CARF: variants seen among roughly 807,000 people sequenced by gnomAD.
CARF encodes calcium-responsive transcription factor.
CARF carries 57 observed loss-of-function variants against 82.0 expected under a neutral mutation model. The ratio of observed to expected loss-of-function variants is 0.70; its 90% confidence interval spans 0.56 to 0.87. The LOEUF (loss-of-function observed/expected upper bound fraction) is 0.87, where lower values mean the gene tolerates loss of function less well. Among genes scored for constraint, CARF ranks in the 40% least tolerant of loss-of-function variants. The pLI is 0.00. For synonymous variants in CARF, 268 were observed against 290.1 expected, an observed-to-expected ratio of 0.92 and a Z score of 0.77; for missense variants, 771 against 855.8, an observed-to-expected ratio of 0.90 and a Z score of 1.24.
intron 14 of CARF, 30 bp downstream of exon 14, chr2:202,977,362 A>G: frequency 6.6e-7 from 1 of 1,506,530 alleles, no homozygotes; most frequent in Non-Finnish European, 9.2e-7. Flanking sequence ...TTTAAAATAT[A>G]AATTCAAATG....
At chr2:202,942,207 C>T (rs2058261471) in intron 4 of CARF, among the ~76,000 whole-genome samples, 1 of 151,698 alleles carries the variant, frequency 6.6e-6, no homozygotes, top group Non-Finnish European at 1.5e-5. Context: ...AACCCTGTCT[C>T]TACTAAAAAT....
At chr2:202,959,741 G>A (rs1336918920) in intron 8 of CARF, among the ~76,000 whole-genome samples, 11 of 151,626 alleles carry the variant, frequency 7.3e-5, no homozygotes, top group Non-Finnish European at 1.0e-4. Flanking sequence ...CCCGGGAGAT[G>A]AAGGTTGCAG....
chr2:202,974,886 G>A lies in CARF; in HGVS notation c.1494+390G>A, dbSNP rs572843236. On this transcript the variant is annotated intron_variant, in intron 13 of 16. Transcript: ENST00000438828. Reference sequence around the variant, plus strand: ...TGTACTCCAGCCTGGGAGACTCAGCGAGACTCCATCTCAAAAAATATATAT... The same window carrying A: ...TGTACTCCAGCCTGGGAGACTCAGCAAGACTCCATCTCAAAAAATATATAT... Among the ~76,000 whole-genome samples the A allele has an allele frequency of 2.6e-3, 392 of 151,920 alleles. 2 individuals are homozygous for A. The highest frequency in any genetic ancestry group is 8.1e-3 in the African/African-American group (334 of 41,472).
chr2:202,915,321 A>C lies in CARF; in HGVS notation c.-330+2219A>C, dbSNP rs563660498. Among the ~76,000 whole-genome samples, 6 of 150,080 alleles carry C rather than the reference A, an allele frequency of 4.0e-5. No homozygotes were observed. In the South Asian group the frequency reaches 1.3e-3, roughly 32 times the overall value. ...TGAGCCACTGTACTGGTTGAGGTGG[A>C]GTCTTGCTCTGTTGCCCAGGCTGGA... On this transcript the variant is annotated intron_variant, in intron 1 of 16. Coordinates refer to ENST00000438828, the MANE Select transcript of CARF (RefSeq NM_024744.17).
intron 3 of CARF, among the ~76,000 whole-genome samples, chr2:202,940,816 G>A (rs960999315): frequency 2.0e-5 from 3 of 152,012 alleles, no homozygotes; most frequent in African/African-American, 7.2e-5. Flanking sequence ...TTTTGGAGTT[G>A]GGGGGAGGGG....
intron 11 of CARF, among the ~76,000 whole-genome samples, chr2:202,971,093 A>G (rs1253584983): frequency 6.6e-6 from 1 of 152,126 alleles, no homozygotes; most frequent in Non-Finnish European, 1.5e-5. Flanking sequence ...GGGAAAATAC[A>G]CAGTTCAAAA....
At chr2:202,960,012 G>A (rs1559247074) in intron 8 of CARF, among the ~76,000 whole-genome samples, 1 of 152,062 alleles carries the variant, frequency 6.6e-6, no homozygotes, top group East Asian at 1.9e-4. Flanking sequence ...AAACAATAAA[G>A]AAAGACAAGG....
intron 3 of CARF, chr2:202,934,485 C>T (rs1344299037): frequency 6.6e-6 from 1 of 152,072 alleles, no homozygotes; most frequent in East Asian, 1.9e-4. Flanking sequence ...GAGACAAGGT[C>T]TTGCTTTGTC....
At position 202,912,299 on chromosome 2, in the gene CARF, T is replaced by C. The variant is rs1054747167; in HGVS notation, c.-1133T>C. The C allele has an allele frequency of 1.3e-5, 2 of 152,262 alleles. No homozygotes were observed. The highest frequency in any genetic ancestry group is 4.8e-5 in the African/African-American group (2 of 41,474). 9.4% of individuals were successfully genotyped at this position (152,262 alleles called of 1,614,324 possible). On this transcript the variant is annotated 5_prime_UTR_variant, in exon 1 of 17. An upstream start codon of the reference 5' UTR is lost. Coordinates refer to ENST00000438828, the MANE Select transcript of CARF (RefSeq NM_024744.17). ...CGCCTGCGCATTATGCTGGTCTCCA[T>C]GGCGGGGCCTCGGAGCCAAGACGAG...
At chr2:202,961,672 C>G (rs781610275) in intron 9 of CARF, 1 of 477,554 alleles carries the variant, frequency 2.1e-6, no homozygotes, top group Admixed American at 3.8e-5. Flanking sequence ...AATAAAATAT[C>G]GAAGTTTCCA....
chr2:202,942,746 A>C lies in CARF; in HGVS notation c.85A>C (p.Ile29Leu). 3.1e-6 allele frequency: 5 copies of C among 1,610,078 alleles called. No homozygotes were observed. Among genetic ancestry groups the C allele is most frequent in the African/African-American group, 1.3e-5 (1 of 74,818 alleles). ...TTTTTTTTCCTTACAAAAGCATCTAATCTGTATGGACTCCAGGGATTCTTC... is the reference window on the plus strand; with the variant it reads ...TTTTTTTTCCTTACAAAAGCATCTACTCTGTATGGACTCCAGGGATTCTTC... ...KTSAQVFEHLICMDSRDSSFG... is the reference protein window; with the variant it reads ...KTSAQVFEHLLCMDSRDSSFG... The change falls in exon 5 of 17, where the codon ATC becomes CTC. Residue 29 changes from isoleucine to leucine, a missense_variant. By Grantham distance (5) the Ile-to-Leu change is conservative (BLOSUM62 2). Coordinates refer to ENST00000438828, the MANE Select transcript of CARF (RefSeq NM_024744.17).
chr2:202,936,428 A>G lies in CARF; in HGVS notation c.-43-5432A>G, dbSNP rs551317056. Among the ~76,000 whole-genome samples, 30 of 152,316 alleles carry G rather than the reference A, an allele frequency of 2.0e-4. 2 individuals carry two copies. Among genetic ancestry groups the G allele is most frequent in the Admixed American group, 2.0e-3 (30 of 15,298 alleles). On this transcript the variant is annotated intron_variant, in intron 3 of 16. Coordinates refer to ENST00000438828, the MANE Select transcript of CARF (RefSeq NM_024744.17). ...AATAAAATTTGGTACCCATTAGTCC[A>G]TTATACCTTCCCTCAAGCCTCTGGC...
chr2:202,986,891 T>TATACATATATATATATATATAC lies in CARF; in HGVS notation c.*3270_*3271insCATATATATATATATATACATA, dbSNP rs2060462664. The TATACATATATATATATATATAC allele has an allele frequency of 1.2e-5, 1 of 82,958 alleles. No homozygotes were observed. The highest frequency in any genetic ancestry group is 3.1e-5 in the Non-Finnish European group (1 of 32,416). The allele number at this position is 82,958 out of a possible 1,614,324, so 5.1% of individuals were successfully genotyped here. A position where few individuals can be genotyped will look rare whatever the true frequency, so the allele number is the denominator to read the frequency against. On this transcript the variant is annotated 3_prime_UTR_variant, in exon 17 of 17. Coordinates refer to ENST00000438828, the MANE Select transcript of CARF (RefSeq NM_024744.17). ...GCGTATATATATATATATATATATA[T>TATACATATATATATATATATAC]ATATATATATATATATAGCAACTTG...
chr2:202,931,827 C>T (rs1054249342), intron 3 of CARF, among the ~76,000 whole-genome samples: 1 of 152,216 alleles, frequency 6.6e-6, no homozygotes, highest in Non-Finnish European at 1.5e-5. Flanking sequence ...ACCAAGATGT[C>T]AGGTCTGAAT....
rs573429697 is a variant in CARF, at chr2:202,972,474, C to G, written c.1331+736C>G. 4.6e-5 allele frequency among the ~76,000 whole-genome samples: 7 copies of G among 151,806 alleles called. No homozygotes were observed. In the South Asian group the frequency reaches 1.3e-3, roughly 27 times the overall value. ...AGGGCAGATCATGAGGTCAGGAGAT[C>G]GAGACCATCCTGGCCAACATGGTGA... On this transcript the variant is annotated intron_variant, in intron 12 of 16. Coordinates refer to ENST00000438828, the MANE Select transcript of CARF (RefSeq NM_024744.17).
intron 2 of CARF, among the ~76,000 whole-genome samples, chr2:202,921,463 G>T (rs1690775386): frequency 6.6e-6 from 1 of 152,120 alleles, no homozygotes; most frequent in Non-Finnish European, 1.5e-5. Flanking sequence ...TAGTTAATTA[G>T]CAAACATGAG....
intron 9 of CARF, chr2:202,962,387 A>C (rs2059357765): frequency 6.6e-6 from 1 of 152,122 alleles, no homozygotes; most frequent in African/African-American, 2.4e-5. Flanking sequence ...GCTATTTGGG[A>C]AGCTGAGGTG....
intron 3 of CARF, among the ~76,000 whole-genome samples, chr2:202,937,507 A>G (rs895522745): frequency 2.6e-5 from 4 of 152,156 alleles, no homozygotes; most frequent in Non-Finnish European, 5.9e-5. Flanking sequence ...CTAACAGGTA[A>G]GAAATACAGA....
At chr2:202,940,549 A>C (rs972601783) in intron 3 of CARF, among the ~76,000 whole-genome samples, 1 of 152,058 alleles carries the variant, frequency 6.6e-6, no homozygotes, top group Non-Finnish European at 1.5e-5. Flanking sequence ...ATTGATCTTA[A>C]TATGAAAGGA....
Sources: gnomAD v4.1 joint callset for allele counts (sites outside exome capture counted in the v4.1 genomes callset) on GRCh38, gnomAD v4.1.1 for gene constraint, MANE v1.5 for transcripts, NCBI Gene and HGNC (gene_info 2026-07-23, HGNC 2026-07-21) for gene names.